Variants in SPMIP6 observed in about 807,000 individuals in gnomAD.
The protein encoded by SPMIP6 is sperm microtubule inner protein 6, also known as ciliated bronchial epithelial protein 1.
At chr9:34,390,160 G>A in the SPMIP6 span, 1 of 149,798 alleles carries the variant, frequency 6.7e-6, no homozygotes, top group African/African-American at 2.5e-5. Flanking sequence ...TGGTGTCCTT[G>A]CCAGGACCTC....
the SPMIP6 span, chr9:34,385,887 G>A: frequency 1.2e-5 from 14 of 1,144,594 alleles, no homozygotes; most frequent in South Asian, 9.3e-5. Flanking sequence ...GCCCAGGTGG[G>A]TCTCCCAACC....
At chr9:34,397,002 T>C in the SPMIP6 span, among the ~76,000 whole-genome samples, 1 of 152,142 alleles carries the variant, frequency 6.6e-6, no homozygotes, top group Non-Finnish European at 1.5e-5. Context: ...TAAACTGTGA[T>C]ACATATAGAT....
At chr9:34,379,579 C>G in the SPMIP6 span, 1 of 1,405,086 alleles carries the variant, frequency 7.1e-7, no homozygotes, top group Non-Finnish European at 1.0e-6. This position sits in a 1 kb window ranked among gnomAD's most constrained non-coding sequence, Gnocchi z 4.2. Context: ...CAGACATCCT[C>G]CCCCAGCCCC....
the SPMIP6 span, among the ~76,000 whole-genome samples, chr9:34,384,707 C>G: frequency 6.6e-6 from 1 of 152,106 alleles, no homozygotes; most frequent in African/African-American, 2.4e-5. Flanking sequence ...AGGGGCACAG[C>G]TGTGAATAAG....
At chr9:34,385,995 C>G in the SPMIP6 span, among the ~76,000 whole-genome samples, 1 of 152,214 alleles carries the variant, frequency 6.6e-6, no homozygotes, top group Non-Finnish European at 1.5e-5. Flanking sequence ...TCATCCAAGG[C>G]TAGGGCTTGG....
chr9:34,392,451 G>A, the SPMIP6 span, among the ~76,000 whole-genome samples: 2 of 115,358 alleles, frequency 1.7e-5, no homozygotes, highest in Non-Finnish European at 4.3e-5. The surrounding 1 kb of genome is among the most constrained non-coding windows in gnomAD (Gnocchi z 4.6). Flanking sequence ...CCGTGTGTGT[G>A]TGTGTGTGTG....
the SPMIP6 span, chr9:34,385,485 G>C: frequency 4.7e-6 from 3 of 643,744 alleles, no homozygotes; most frequent in Non-Finnish European, 7.4e-6. Context: ...GCAGTGAGCC[G>C]AGATCATGCC....
chr9:34,380,181 A>C, the SPMIP6 span, among the ~76,000 whole-genome samples: 1 of 151,908 alleles, frequency 6.6e-6, no homozygotes, highest in African/African-American at 2.4e-5. Context: ...GGGGATCACT[A>C]TGGACCCCCA....
the SPMIP6 span, among the ~76,000 whole-genome samples, chr9:34,380,179 C>T: frequency 2.0e-5 from 3 of 152,078 alleles, no homozygotes; most frequent in African/African-American, 7.2e-5. Context: ...CGGGGGATCA[C>T]TATGGACCCC....
chr9:34,379,602 CT>C, the SPMIP6 span: 9 of 1,561,728 alleles, frequency 5.8e-6, no homozygotes, highest in Non-Finnish European at 7.9e-6. This position sits in a 1 kb window ranked among gnomAD's most constrained non-coding sequence, Gnocchi z 4.2. Flanking sequence ...CTCACCAAGC[CT>C]TCAGGGTGCG....
the SPMIP6 span, among the ~76,000 whole-genome samples, chr9:34,389,290 T>C: frequency 6.6e-6 from 1 of 152,172 alleles, no homozygotes; most frequent in Non-Finnish European, 1.5e-5. Flanking sequence ...TTCTGTGAAT[T>C]ATTTAAGAAA....
the SPMIP6 span, among the ~76,000 whole-genome samples, chr9:34,384,747 C>G: frequency 6.6e-6 from 1 of 151,934 alleles, no homozygotes; most frequent in Non-Finnish European, 1.5e-5. Flanking sequence ...GAATGTACAG[C>G]CAGACAGATT....
the SPMIP6 span, among the ~76,000 whole-genome samples, chr9:34,387,543 C>T: frequency 6.6e-6 from 1 of 152,158 alleles, no homozygotes; most frequent in African/African-American, 2.4e-5. Context: ...TACCCAGATA[C>T]ACCCATAGAT....
the SPMIP6 span, among the ~76,000 whole-genome samples, chr9:34,393,700 A>G: frequency 0.14 from 20,724 of 151,896 alleles, 1,428 homozygotes; most frequent in African/African-American, 0.15. Context: ...TGAGATTCCC[A>G]TTAGATGTTT....
At chr9:34,386,221 T>C in the SPMIP6 span, among the ~76,000 whole-genome samples, 1 of 152,110 alleles carries the variant, frequency 6.6e-6, no homozygotes, top group Non-Finnish European at 1.5e-5. Context: ...CTTATGTAGG[T>C]GTCTTGGACA....
At chr9:34,395,919 T>C in the SPMIP6 span, among the ~76,000 whole-genome samples, 1 of 152,226 alleles carries the variant, frequency 6.6e-6, no homozygotes, top group African/African-American at 2.4e-5. Flanking sequence ...CTTGTGGAAA[T>C]GTAAATTGTT....
the SPMIP6 span, chr9:34,381,895 G>C: frequency 1.3e-4 from 81 of 624,160 alleles, no homozygotes; most frequent in Non-Finnish European, 1.6e-4. This position sits in a 1 kb window ranked among gnomAD's most constrained non-coding sequence, Gnocchi z 4.4. Flanking sequence ...TAAGAGCCCC[G>C]GCTCTGGTTT....
the SPMIP6 span, chr9:34,381,546 C>T: frequency 6.4e-7 from 1 of 1,559,596 alleles, no homozygotes; most frequent in South Asian, 1.2e-5. The surrounding 1 kb of genome is among the most constrained non-coding windows in gnomAD (Gnocchi z 4.4). Flanking sequence ...GCCGCAACTT[C>T]TCCCGCCCTT....
At chr9:34,381,521 C>G in the SPMIP6 span, 1 of 1,597,352 alleles carries the variant, frequency 6.3e-7, no homozygotes, top group Non-Finnish European at 8.5e-7. The surrounding 1 kb of genome is among the most constrained non-coding windows in gnomAD (Gnocchi z 4.4). Flanking sequence ...CCAGAACACC[C>G]AGACCTATCG....
Sources: gnomAD v4.1 joint callset for allele counts (sites outside exome capture counted in the v4.1 genomes callset) on GRCh38, gnomAD v4.1.1 for gene constraint, Gnocchi (gnomAD v3.1) non-coding constraint, MANE v1.5 for transcripts, NCBI Gene and HGNC (gene_info 2026-07-23, HGNC 2026-07-21) for gene names.